DUSP16: variants seen among roughly 807,000 people sequenced by gnomAD.
DUSP16 encodes dual specificity phosphatase 16.
DUSP16 carries 21 observed loss-of-function variants against 58.3 expected under a neutral mutation model. The observed-to-expected ratio is 0.36, with a 90% CI of 0.26 to 0.52. The LOEUF is 0.52. Among genes scored for constraint, DUSP16 ranks in the 20% least tolerant of loss-of-function variants. The pLI is 0.94. For synonymous variants in DUSP16, 320 were observed against 323.8 expected (o/e 0.99, Z 0.12); for missense variants, 726 against 819.0 (o/e 0.89, Z 1.39).
chr12:12,554,752 CTA>C (rs1566061659), intron 1 of DUSP16: 1 of 151,784 alleles, frequency 6.6e-6, no homozygotes, highest in Non-Finnish European at 1.5e-5. Context: ...ATGGTTGTAA[CTA>C]TTAAATATCA....
chr12:12,474,136 A>G lies in DUSP16; in HGVS notation c.*2697T>C, dbSNP rs1371231110. 6.6e-6 allele frequency: 1 copy of G among 152,258 alleles called. No homozygotes were observed. Among genetic ancestry groups the G allele is most frequent in the African/African-American group, 2.4e-5 (1 of 41,468 alleles). 9.4% of individuals were successfully genotyped at this position (152,258 alleles called of 1,614,324 possible). A position where few individuals can be genotyped will look rare whatever the true frequency, so the allele number is the denominator to read the frequency against. ...ATCCTCATTTAAGTGAGAACAGGAC[A>G]GGTTTCACCACTGCCTCCTTTGGCA... On this transcript the variant is annotated 3_prime_UTR_variant, in exon 7 of 7. Transcript: ENST00000298573.
At chr12:12,514,571 A>C (rs937508017) in intron 3 of DUSP16, among the ~76,000 whole-genome samples, 2 of 152,158 alleles carry the variant, frequency 1.3e-5, no homozygotes, top group Admixed American at 6.5e-5. Flanking sequence ...CCTTCCCCTC[A>C]ATCTTAAATC....
In DUSP16 at chr12:12,500,756, T is replaced by G. The variant is rs138356829; in HGVS notation, c.368-74A>C. The G allele has an allele frequency of 3.4e-5, 47 of 1,371,684 alleles. No homozygotes were observed. In the African/African-American group the frequency reaches 6.1e-4, roughly 18 times the overall value. 85.0% of individuals were successfully genotyped at this position (1,371,684 alleles called of 1,614,324 possible). On this transcript the variant is annotated intron_variant, in intron 3 of 6. Transcript: ENST00000298573. ...TAAAAACCAGCTTTCTGTGAACTGC[T>G]CAAACAGTTTAAACCCACGAATCCA...
At chr12:12,536,787 C>A (rs373847907) in intron 1 of DUSP16, among the ~76,000 whole-genome samples, 20 of 152,146 alleles carry the variant, frequency 1.3e-4, no homozygotes, top group African/African-American at 4.3e-4. Context: ...CCTGTAATCC[C>A]AACACTTTGG....
chr12:12,483,514 C>G (rs192349883), intron 5 of DUSP16, among the ~76,000 whole-genome samples: 27 of 152,020 alleles, frequency 1.8e-4, no homozygotes, highest in Non-Finnish European at 3.5e-4. Context: ...TTTGAAGTAA[C>G]TTACTCAAAC....
chr12:12,518,961 C>G (rs1198330544), intron 3 of DUSP16, among the ~76,000 whole-genome samples: 1 of 152,194 alleles, frequency 6.6e-6, no homozygotes, highest in Admixed American at 6.5e-5. Context: ...ACACCAACAA[C>G]TAATTAATCT....
chr12:12,488,561 G>A (rs1943716894), intron 4 of DUSP16, among the ~76,000 whole-genome samples: 1 of 152,126 alleles, frequency 6.6e-6, no homozygotes, highest in Admixed American at 6.6e-5. Context: ...TCATCCCCCT[G>A]CTGCCTCTCA....
chr12:12,561,382 A>G (rs1380647662), intron 1 of DUSP16, among the ~76,000 whole-genome samples: 1 of 152,114 alleles, frequency 6.6e-6, no homozygotes, highest in Non-Finnish European at 1.5e-5. Flanking sequence ...TCTCTGGTTC[A>G]TTATTGGTAT....
chr12:12,485,097 C>T (rs1183229558), intron 5 of DUSP16, among the ~76,000 whole-genome samples: 3 of 151,652 alleles, frequency 2.0e-5, no homozygotes, highest in African/African-American at 7.3e-5. Flanking sequence ...GCAACCTCCG[C>T]CTCCTGGATT....
intron 1 of DUSP16, among the ~76,000 whole-genome samples, chr12:12,544,200 C>T (rs1944606131): frequency 6.6e-6 from 1 of 152,118 alleles, no homozygotes; most frequent in South Asian, 2.1e-4. Context: ...CTTCTTATAC[C>T]ATGGCTGAGT....
chr12:12,484,005 A>G (rs1194831281), intron 5 of DUSP16, among the ~76,000 whole-genome samples: 1 of 152,056 alleles, frequency 6.6e-6, no homozygotes, highest in East Asian at 1.9e-4. Context: ...AATTAAAAAA[A>G]AATTTTACAT....
At chr12:12,534,805 T>A (rs1456168690) in intron 1 of DUSP16, among the ~76,000 whole-genome samples, 1 of 152,200 alleles carries the variant, frequency 6.6e-6, no homozygotes, top group African/African-American at 2.4e-5. Context: ...CTTTGATTTG[T>A]TACTCTAAAA....
At chr12:12,519,785 T>A (rs894917508) in intron 3 of DUSP16, 77 bp downstream of exon 3, 7 of 1,471,842 alleles carry the variant, frequency 4.8e-6, no homozygotes, top group Non-Finnish European at 6.6e-6. Context: ...TCTATTGTAC[T>A]GAGTTCACAG....
At chr12:12,521,993 C>G (rs1325525478) in intron 1 of DUSP16, among the ~76,000 whole-genome samples, 1 of 152,134 alleles carries the variant, frequency 6.6e-6, no homozygotes, top group Non-Finnish European at 1.5e-5. Flanking sequence ...CACGCGAGTA[C>G]CAGGGCGCAA....
At chr12:12,548,340 AAAC>A (rs987189630) in intron 1 of DUSP16, among the ~76,000 whole-genome samples, 2 of 152,198 alleles carry the variant, frequency 1.3e-5, no homozygotes, top group Non-Finnish European at 2.9e-5. Context: ...GGACAGCTAA[AAAC>A]AACAAGTGTT....
intron 6 of DUSP16, among the ~76,000 whole-genome samples, chr12:12,478,221 T>C (rs1381187438): frequency 1.3e-5 from 2 of 152,142 alleles, no homozygotes; most frequent in South Asian, 2.1e-4. Flanking sequence ...TCCTGGAGTA[T>C]GCCAGAAGAG....
chr12:12,494,246 CAGA>C (rs1460690121), intron 4 of DUSP16, among the ~76,000 whole-genome samples: 8 of 152,128 alleles, frequency 5.3e-5, no homozygotes, highest in Non-Finnish European at 8.8e-5. Flanking sequence ...AATTCATTAA[CAGA>C]AGGTTTTCTG....
intron 3 of DUSP16, among the ~76,000 whole-genome samples, chr12:12,510,010 C>T (rs767669937): frequency 2.0e-4 from 31 of 152,040 alleles, no homozygotes; most frequent in Non-Finnish European, 3.4e-4. Context: ...TATCCAAAAG[C>T]GACACTGAAT....
In DUSP16 at chr12:12,476,757, T is replaced by C. The variant is rs1943445813; in HGVS notation, c.*76A>G. On this transcript the variant is annotated 3_prime_UTR_variant, in exon 7 of 7. Transcript: ENST00000298573. ...AAATATATATGTATGTACATATATATATTTCAGATTTACAGGGAATTTTTT... is the reference window on the plus strand; with the variant it reads ...AAATATATATGTATGTACATATATACATTTCAGATTTACAGGGAATTTTTT... The C allele has an allele frequency of 1.5e-6, 2 of 1,349,436 alleles. No homozygotes were observed. The highest frequency in any genetic ancestry group is 2.0e-6 in the Non-Finnish European group (2 of 993,568). The allele number at this position is 1,349,436 out of a possible 1,614,324, so 83.6% of individuals were successfully genotyped here.
Sources: allele counts gnomAD v4.1 joint callset (sites outside exome capture counted in the v4.1 genomes callset), GRCh38; gene constraint gnomAD v4.1.1; transcripts MANE v1.5; gene names NCBI Gene and HGNC (gene_info 2026-07-23, HGNC 2026-07-21).